Variants in INTS3 observed in about 807,000 individuals in gnomAD.
The protein encoded by INTS3 is integrator complex subunit 3.
Under a neutral mutation model 146.3 loss-of-function variants are expected in INTS3, and 34 were observed. The observed-to-expected ratio is 0.23, with a 90% confidence interval of 0.18 to 0.31. INTS3 has a LOEUF of 0.31. Ranked by LOEUF, INTS3 falls within the 10% of genes least tolerant of loss-of-function variation. The pLI, the probability that INTS3 is intolerant of heterozygous loss-of-function variation, is 1.00. For synonymous variants in INTS3, 475 were observed against 494.9 expected (o/e 0.96, Z 0.53); for missense variants, 757 against 1,304.2 (o/e 0.58, Z 6.46).
Position 153,740,430 on chromosome 1 carries a change from C to CT in INTS3, c.151-214dup, listed in dbSNP as rs985651637. Among the ~76,000 whole-genome samples the CT allele has an allele frequency of 2.0e-5, 3 of 152,272 alleles. No individual in the cohort carries two copies. In the East Asian group the frequency reaches 5.8e-4, roughly 29 times the overall value. ...TCTCTTAATATATGGGTTTCCCTCA[C>CT]TTTTTTTCTTGCGATTTATGTGTTA... On this transcript the variant is annotated intron_variant, in intron 1 of 29. Coordinates refer to ENST00000318967, the MANE Select transcript of INTS3 (RefSeq NM_023015.5).
At chr1:153,746,481 A>G (rs1381896528) in intron 3 of INTS3, among the ~76,000 whole-genome samples, 2 of 151,576 alleles carry the variant, frequency 1.3e-5, no homozygotes, top group Non-Finnish European at 2.9e-5. Flanking sequence ...GCTCACTGCA[A>G]ACTCCGCCTC....
In INTS3 at chr1:153,772,791, C is replaced by T. The variant is rs1481670814; in HGVS notation, c.2894+80C>T. Reference sequence around the variant, plus strand: ...AGAGGAAGCCTGCTAGGGACATAAACGTAATGGCCAGCAAGACCTTAGGGT... The same window carrying T: ...AGAGGAAGCCTGCTAGGGACATAAATGTAATGGCCAGCAAGACCTTAGGGT... On this transcript the variant is annotated intron_variant, in intron 28 of 29. Coordinates refer to ENST00000318967, the MANE Select transcript of INTS3 (RefSeq NM_023015.5). The surrounding 1 kb of genome is among the most constrained non-coding windows in gnomAD (Gnocchi z 4.6). The T allele has an allele frequency of 1.1e-5, 17 of 1,580,334 alleles. No individual in the cohort carries two copies. The highest frequency in any genetic ancestry group is 1.4e-5 in the Non-Finnish European group (16 of 1,161,300).
intron 25 of INTS3, among the ~76,000 whole-genome samples, chr1:153,770,945 C>T (rs894394841): frequency 6.6e-6 from 1 of 152,158 alleles, no homozygotes; most frequent in East Asian, 1.9e-4. Flanking sequence ...CCACCAGGAG[C>T]TGCCCTCGGA....
chr1:153,732,433 G>A (rs141657352), intron 1 of INTS3, among the ~76,000 whole-genome samples: 354 of 151,538 alleles, frequency 2.3e-3, no homozygotes, highest in African/African-American at 8.1e-3. Context: ...CCTCACCTAC[G>A]TGAGTCCTTG....
chr1:153,742,610 G>A (rs945007197), intron 3 of INTS3, among the ~76,000 whole-genome samples: 1 of 151,956 alleles, frequency 6.6e-6, no homozygotes, highest in African/African-American at 2.4e-5. Context: ...AGTTTTGTTT[G>A]TTTGTTTCAG....
In INTS3 at chr1:153,729,973, C is replaced by T. The variant is rs773466599; in HGVS notation, c.150+1189C>T. On this transcript the variant is annotated intron_variant, in intron 1 of 29. Coordinates refer to ENST00000318967, the MANE Select transcript of INTS3 (RefSeq NM_023015.5). ...TGGTTATCCAGGGACAGGATGAGTACATTAACAGGCCTTAGCTCTTCACTG... is the reference window on the plus strand; with the variant it reads ...TGGTTATCCAGGGACAGGATGAGTATATTAACAGGCCTTAGCTCTTCACTG... Among the ~76,000 whole-genome samples, 6 of 151,926 alleles carry T rather than the reference C, an allele frequency of 3.9e-5. 1 individual carries two copies. The South Asian group carries it at 1.2e-3, about 31-fold the overall frequency.
chr1:153,728,115 C>T lies in INTS3; in HGVS notation c.-520C>T, dbSNP rs930219804. The T allele has an allele frequency of 2.2e-4, 85 of 383,194 alleles. No homozygotes were observed. Among genetic ancestry groups the T allele is most frequent in the Admixed American group, 1.0e-3 (23 of 21,926 alleles). 23.7% of individuals were successfully genotyped at this position (383,194 alleles called of 1,614,324 possible). On this transcript the variant is annotated 5_prime_UTR_variant, in exon 1 of 30. Transcript: ENST00000318967. ...GTGGTGTGGGGAGACGCTGGTCCTC[C>T]CCGTCCTCCCATAGCGCTTATTGCC... is the stretch of plus-strand genomic sequence containing the variant.
At chr1:153,740,586 G>A (rs1017965194) in intron 1 of INTS3, 65 bp from the exon 2 acceptor site, 12 of 1,196,512 alleles carry the variant, frequency 1.0e-5, no homozygotes, top group Non-Finnish European at 1.5e-5. Context: ...AAACTTTTAG[G>A]GGCCCAGAAG....
At chr1:153,735,287 C>T (rs562269156) in intron 1 of INTS3, among the ~76,000 whole-genome samples, 1 of 152,150 alleles carries the variant, frequency 6.6e-6, no homozygotes, top group East Asian at 1.9e-4. Flanking sequence ...TTGAATAGGT[C>T]TAATTTAAGT....
At chr1:153,747,250 C>T (rs1430327240) in intron 4 of INTS3, 29 bp from the exon 5 acceptor site, 1 of 1,594,648 alleles carries the variant, frequency 6.3e-7, no homozygotes, top group Non-Finnish European at 8.6e-7. Context: ...AGTTCCTGCT[C>T]TTCATCTGTT....
chr1:153,751,632 T>C (rs1671959871), intron 7 of INTS3, among the ~76,000 whole-genome samples: 1 of 152,236 alleles, frequency 6.6e-6, no homozygotes. Context: ...AAATTTTTTT[T>C]ACTTTTTATT....
Position 153,760,835 on chromosome 1 carries a change from CA to C in INTS3, c.1328del (p.Asn443ThrfsTer30). 1 of 1,613,702 alleles carries C rather than the reference CA, an allele frequency of 6.2e-7. No homozygotes were observed. The highest frequency in any genetic ancestry group is 8.5e-7 in the Non-Finnish European group (1 of 1,179,572). On this transcript the variant is annotated frameshift_variant, in exon 13 of 30. Transcript: ENST00000318967. LOFTEE classifies it high-confidence loss of function. ...TCCTTCTTCGCTTCCAGATCATTCC[CA>C]ACTTCTATCCACCATTGGAGGGCCA... is the stretch of plus-strand genomic sequence containing the variant. The part of the protein sequence containing the change: ...LLDFMCRIIP[N>X]FYPPLEGHVR...
In INTS3 at chr1:153,771,950, C is replaced by T. The variant is rs1672891877; in HGVS notation, c.2707C>T (p.Arg903Cys). The T allele has an allele frequency of 1.2e-6, 2 of 1,613,310 alleles. No individual in the cohort carries two copies. The highest frequency in any genetic ancestry group is 8.5e-7 in the Non-Finnish European group (1 of 1,179,692). ...SLLIKNNSLPRKRQSLRSSSS... is the reference protein window; with the variant it reads ...SLLIKNNSLPCKRQSLRSSSS... ...GCTCATCAAGAACAACAGCCTGCCT[C>T]GCAAGAGACAGAGGTGGGACACGGT... The change falls in exon 26 of 30, where the codon CGC (arginine) becomes TGC (cysteine). Residue 903 changes from arginine (R) to cysteine (C), a missense_variant. Arg to Cys is a radical substitution (Grantham distance 180). This residue lies in a region of INTS3 where 116 missense variants were observed against 226.5 expected (regional missense o/e 0.51). Coordinates refer to ENST00000318967, the MANE Select transcript of INTS3 (RefSeq NM_023015.5).
intron 1 of INTS3, among the ~76,000 whole-genome samples, chr1:153,730,953 C>T (rs1671037248): frequency 6.6e-6 from 1 of 152,130 alleles, no homozygotes; most frequent in Admixed American, 6.6e-5. Flanking sequence ...TCTCTGCACA[C>T]AGAAGTTATG....
At chr1:153,750,887 G>A (rs1671932191) in intron 6 of INTS3, 1 of 467,058 alleles carries the variant, frequency 2.1e-6, no homozygotes, top group East Asian at 3.3e-5. Context: ...ACTTGGAAGA[G>A]AAAATTAGGA....
chr1:153,745,136 A>G (rs1671678186), intron 3 of INTS3, among the ~76,000 whole-genome samples: 2 of 149,354 alleles, frequency 1.3e-5, no homozygotes, highest in Admixed American at 1.3e-4. Context: ...ATTGCTTGCT[A>G]TAGTATAACA....
At chr1:153,735,772 G>A (rs1006403094) in intron 1 of INTS3, among the ~76,000 whole-genome samples, 1 of 152,210 alleles carries the variant, frequency 6.6e-6, no homozygotes, top group African/African-American at 2.4e-5. Context: ...ACCCAGGCTG[G>A]AGTACAGTGG....
chr1:153,755,099 C>T (rs971182215), intron 9 of INTS3, among the ~76,000 whole-genome samples: 3 of 152,128 alleles, frequency 2.0e-5, no homozygotes, highest in African/African-American at 7.2e-5. Context: ...AAGAAACCCA[C>T]GATTGCTCCA....
chr1:153,760,961 C>A, intron 13 of INTS3, 43 bp downstream of exon 13: 2 of 1,592,044 alleles, frequency 1.3e-6, no homozygotes, highest in Non-Finnish European at 1.7e-6. Flanking sequence ...TCCCATTTTT[C>A]ATTAGGTCCA....
Sources: gnomAD v4.1 joint callset for allele counts (sites outside exome capture counted in the v4.1 genomes callset) on GRCh38, gnomAD v4.1.1 for gene constraint, gnomAD v4.1.1 regional missense constraint, Gnocchi (gnomAD v3.1) non-coding constraint, MANE v1.5 for transcripts, NCBI Gene and HGNC (gene_info 2026-07-23, HGNC 2026-07-21) for gene names.